The following RAB30 variants were observed in gnomAD, a reference collection of about 807,000 sequenced individuals.
The protein encoded by RAB30 is RAB30, member RAS oncogene family, also known as ras-related protein Rab-30.
A neutral mutation model predicts 25.1 loss-of-function variants in RAB30; 9 were observed. The ratio of observed to expected loss-of-function variants is 0.36; its 90% CI spans 0.22 to 0.63. The LOEUF (loss-of-function observed/expected upper bound fraction) is 0.63. Among genes scored for constraint, RAB30 ranks in the 20% least tolerant of loss-of-function variants. The pLI, the probability that RAB30 is intolerant of heterozygous loss-of-function variation, is 0.69. For synonymous variants in RAB30, 77 were observed against 86.4 expected (o/e 0.89, Z 0.60); for missense variants, 140 against 243.5 (o/e 0.58, Z 2.83).
rs141368041 is a variant in RAB30, at chr11:83,068,744, T to C, written c.-9+2947A>G. Among the ~76,000 whole-genome samples, 854 of 152,288 alleles carry C rather than the reference T, an allele frequency of 5.6e-3. 4 individuals are homozygous for C. The highest frequency in any genetic ancestry group is 9.5e-3 in the Non-Finnish European group (646 of 68,022). On this transcript the variant is annotated intron_variant, in intron 1 of 4. Transcript: ENST00000527633. ...AGAAACCTTTGTCCCACTATAAGCA[T>C]CTCCCACTGCCATCCTGAATTACTA...
intron 2 of RAB30, among the ~76,000 whole-genome samples, chr11:82,996,015 AATGTT>A (rs1214388134): frequency 6.6e-6 from 1 of 152,208 alleles, no homozygotes; most frequent in Non-Finnish European, 1.5e-5. Context: ...AAATATGACT[AATGTT>A]AGGTAGAAGT....
At chr11:83,029,296 C>A (rs952505400) in intron 1 of RAB30, among the ~76,000 whole-genome samples, 3 of 151,640 alleles carry the variant, frequency 2.0e-5, no homozygotes, top group Admixed American at 6.6e-5. Context: ...AAAAGCAGAC[C>A]CCCCAACACC....
At chr11:83,049,397 G>A (rs968421933) in intron 1 of RAB30, among the ~76,000 whole-genome samples, 3 of 141,054 alleles carry the variant, frequency 2.1e-5, no homozygotes, top group East Asian at 4.5e-4. Context: ...GCAACAAAGC[G>A]AGACTCCATA....
chr11:83,044,029 T>C (rs767802381), intron 1 of RAB30, among the ~76,000 whole-genome samples: 1 of 152,206 alleles, frequency 6.6e-6, no homozygotes, highest in Non-Finnish European at 1.5e-5. Context: ...CCATTAAGGT[T>C]TTCTTCCTAA....
At chr11:82,997,451 T>G in intron 1 of RAB30, 127 bp from the exon 2 acceptor site, 1 of 660,718 alleles carries the variant, frequency 1.5e-6, no homozygotes, top group Non-Finnish European at 2.7e-6. Context: ...AAAGCTCCCC[T>G]CCGGTGACCC....
chr11:83,068,606 C>A (rs1858761732), intron 1 of RAB30, among the ~76,000 whole-genome samples: 1 of 152,178 alleles, frequency 6.6e-6, no homozygotes, highest in South Asian at 2.1e-4. Flanking sequence ...CCCACCTCTC[C>A]AGCCTCATTC....
At chr11:83,030,333 C>CA (rs35936173) in intron 1 of RAB30, among the ~76,000 whole-genome samples, 9,549 of 126,614 alleles carry the variant, frequency 0.075, 669 homozygotes, top group African/African-American at 0.2. Flanking sequence ...CGCATCTCTT[C>CA]AAAAAAAAAA....
chr11:83,041,381 G>A (rs1858111228), intron 1 of RAB30: 1 of 174,640 alleles, frequency 5.7e-6, no homozygotes, highest in Non-Finnish European at 1.3e-5. Context: ...AAGGCTCCTT[G>A]AGGCTTTCCA....
intron 1 of RAB30, among the ~76,000 whole-genome samples, chr11:83,030,584 G>A (rs1207179603): frequency 2.6e-5 from 4 of 152,076 alleles, no homozygotes; most frequent in Non-Finnish European, 5.9e-5. Flanking sequence ...GAACACCTGA[G>A]GCTAGGAGTT....
chr11:83,066,988 T>C (rs774596641), intron 1 of RAB30, among the ~76,000 whole-genome samples: 2 of 152,224 alleles, frequency 1.3e-5, no homozygotes, highest in Non-Finnish European at 2.9e-5. Flanking sequence ...TCACTCACTC[T>C]ACCAACATTT....
chr11:83,004,709 C>T (rs181461311), intron 1 of RAB30, among the ~76,000 whole-genome samples: 14 of 152,184 alleles, frequency 9.2e-5, no homozygotes, highest in African/African-American at 3.4e-4. Context: ...TATATCCCCA[C>T]ATGTGTGTCA....
Position 82,979,061 on chromosome 11 carries a change from A to G in RAB30, c.*3104T>C, listed in dbSNP as rs1856596104. The G allele has an allele frequency of 6.6e-6, 1 of 152,226 alleles. No homozygotes were observed. Among genetic ancestry groups the G allele is most frequent in the Non-Finnish European group, 1.5e-5 (1 of 68,036 alleles). 9.4% of individuals were successfully genotyped at this position (152,226 alleles called of 1,614,324 possible). On this transcript the variant is annotated 3_prime_UTR_variant, in exon 5 of 5. Transcript: ENST00000527633. ...ATAATTGGCCCTGTAAATTCAAAAA[A>G]TATTAATATAATTCAACAGATTTAA...
intron 1 of RAB30, among the ~76,000 whole-genome samples, chr11:83,055,145 A>C (rs1194466674): frequency 1.3e-5 from 2 of 152,316 alleles, no homozygotes; most frequent in East Asian, 3.9e-4. Context: ...CTGCATCTGC[A>C]TCTGTTAATT....
chr11:83,061,037 G>A lies in RAB30; in HGVS notation c.-9+10654C>T, dbSNP rs145662165. Among the ~76,000 whole-genome samples, 73 of 152,220 alleles carry A rather than the reference G, an allele frequency of 4.8e-4. No homozygotes were observed. The East Asian group carries it at 0.01, about 21-fold the overall frequency. On this transcript the variant is annotated intron_variant, in intron 1 of 4. Coordinates refer to ENST00000527633, the MANE Select transcript of RAB30 (RefSeq NM_001286060.2). ...AACACCAGCAGCCCCCCAGTCTCTG[G>A]GTCTTCAGCCTCAGACTGAGAGTTC...
intron 4 of RAB30, among the ~76,000 whole-genome samples, chr11:82,985,630 G>A (rs1856725802): frequency 6.7e-6 from 1 of 148,578 alleles, no homozygotes; most frequent in Non-Finnish European, 1.5e-5. Context: ...AAAATTCTAA[G>A]AGAGAAAAAA....
At chr11:83,007,142 G>A (rs940827828) in intron 1 of RAB30, among the ~76,000 whole-genome samples, 3 of 152,158 alleles carry the variant, frequency 2.0e-5, no homozygotes, top group Non-Finnish European at 4.4e-5. Context: ...AAGCAACAGA[G>A]CCAGAAGAGC....
At chr11:83,057,630 C>A (rs1349838527) in intron 1 of RAB30, among the ~76,000 whole-genome samples, 1 of 152,008 alleles carries the variant, frequency 6.6e-6, no homozygotes, top group Non-Finnish European at 1.5e-5. Context: ...TAGTAGTGGC[C>A]CCAAAATGGC....
At chr11:83,014,305 T>C (rs1054589080) in intron 1 of RAB30, among the ~76,000 whole-genome samples, 2 of 152,116 alleles carry the variant, frequency 1.3e-5, no homozygotes, top group African/African-American at 2.4e-5. Context: ...CCCAGCACTC[T>C]GGGAGGCTAA....
intron 1 of RAB30, among the ~76,000 whole-genome samples, chr11:83,027,960 T>TA (rs1857764569): frequency 1.3e-5 from 2 of 152,174 alleles, no homozygotes; most frequent in Admixed American, 6.5e-5. Flanking sequence ...TCTTGACAGC[T>TA]TTTTTCCTCC....
Sources: gnomAD v4.1 joint callset for allele counts (sites outside exome capture counted in the v4.1 genomes callset) on GRCh38, gnomAD v4.1.1 for gene constraint, MANE v1.5 for transcripts, NCBI Gene and HGNC (gene_info 2026-07-23, HGNC 2026-07-21) for gene names.